CYYR1: variants seen among roughly 807,000 people sequenced by gnomAD.
CYYR1 encodes cysteine and tyrosine rich 1, also known as cysteine and tyrosine-rich protein 1.
CYYR1 carries 14 observed loss-of-function variants against 15.2 expected under a neutral mutation model. That is an observed-to-expected ratio of 0.92 (90% CI 0.61 to 1.44). The LOEUF is 1.44. Among genes scored for constraint, CYYR1 ranks in the 40% most tolerant of loss-of-function variants. The probability of loss-of-function intolerance (pLI) is 0.00; values close to 1 mark genes in which losing one functional copy is unlikely to be tolerated. For missense variants in CYYR1, 228 were observed against 209.5 expected (o/e 1.09, Z -0.54); for synonymous variants, 80 against 77.4 (o/e 1.03, Z -0.18).
At chr21:26,495,457 A>G (rs114777104) in intron 2 of CYYR1, among the ~76,000 whole-genome samples, 208 of 152,304 alleles carry the variant, frequency 1.4e-3, no homozygotes, top group African/African-American at 4.8e-3. Flanking sequence ...ACTTCCTGTC[A>G]CTTCAGTAAA....
At chr21:26,483,450 G>A (rs1011595549) in intron 2 of CYYR1, 2 of 972,596 alleles carry the variant, frequency 2.1e-6, no homozygotes, top group Admixed American at 1.3e-4. Flanking sequence ...CTACTTGGAA[G>A]TTTAGTTTGC....
intron 2 of CYYR1, among the ~76,000 whole-genome samples, chr21:26,516,000 A>G (rs1036568732): frequency 6.6e-6 from 1 of 152,200 alleles, no homozygotes; most frequent in African/African-American, 2.4e-5. Context: ...ATGAAATGTA[A>G]GAAGTTGGCG....
At chr21:26,534,617 C>T (rs1483760686) in intron 2 of CYYR1, among the ~76,000 whole-genome samples, 1 of 152,002 alleles carries the variant, frequency 6.6e-6, no homozygotes, top group Non-Finnish European at 1.5e-5. Context: ...CCACCTTGCA[C>T]TATAGACTGC....
At chr21:26,476,615 T>TCTAA (rs2123385038) in intron 3 of CYYR1, among the ~76,000 whole-genome samples, 1 of 151,930 alleles carries the variant, frequency 6.6e-6, no homozygotes, top group East Asian at 1.9e-4. Flanking sequence ...TATCTATCTA[T>TCTAA]CTATCTATCT....
intron 2 of CYYR1, among the ~76,000 whole-genome samples, chr21:26,490,866 C>G (rs978321503): frequency 3.3e-5 from 5 of 152,088 alleles, no homozygotes; most frequent in African/African-American, 1.2e-4. Context: ...GCCAGACACT[C>G]TACTAAGCAC....
chr21:26,540,394 C>T (rs1413471458), intron 2 of CYYR1, among the ~76,000 whole-genome samples: 1 of 152,054 alleles, frequency 6.6e-6, no homozygotes, highest in East Asian at 1.9e-4. Context: ...GAACAGAAAC[C>T]CTTGGGGTGT....
intron 2 of CYYR1, 89 bp from the exon 3 acceptor site, chr21:26,480,518 T>C (rs1346006201): frequency 7.4e-7 from 1 of 1,351,358 alleles, no homozygotes; most frequent in African/African-American, 1.5e-5. Context: ...AGGACAAGTG[T>C]TTTCTTACAA....
intron 2 of CYYR1, among the ~76,000 whole-genome samples, chr21:26,485,476 A>T (rs563833799): frequency 3.9e-5 from 6 of 152,124 alleles, no homozygotes; most frequent in African/African-American, 1.2e-4. Context: ...GTCATATCCA[A>T]CATGCCTTCT....
intron 3 of CYYR1, among the ~76,000 whole-genome samples, chr21:26,475,434 A>G (rs1176140021): frequency 6.6e-6 from 1 of 152,118 alleles, no homozygotes; most frequent in Non-Finnish European, 1.5e-5. Flanking sequence ...GATCCCATCA[A>G]AGGCTAGCCC....
intron 2 of CYYR1, chr21:26,482,386 A>G (rs1221996829): frequency 2.0e-6 from 2 of 985,222 alleles, no homozygotes; most frequent in African/African-American, 3.5e-5. Flanking sequence ...ATACTCAAAC[A>G]TAGTAAAATA....
chr21:26,554,950 T>C (rs1299102672), intron 2 of CYYR1, among the ~76,000 whole-genome samples: 1 of 151,872 alleles, frequency 6.6e-6, no homozygotes, highest in Admixed American at 6.6e-5. Flanking sequence ...ACAGGAAAAA[T>C]TTGTAAAGCC....
At position 26,573,006 on chromosome 21, in the gene CYYR1, G is replaced by C; in HGVS notation, c.-66C>G. ...GGAACCGGAGGGAATGGGGAGGATG[G>C]AGGGCGATCAGATGGAGAGAGCAGC... is the stretch of plus-strand genomic sequence containing the variant. On this transcript the variant is annotated 5_prime_UTR_variant, in exon 1 of 4. Transcript: ENST00000652641. 6.2e-7 allele frequency: 1 copy of C among 1,611,734 alleles called. No individual in the cohort carries two copies. Among genetic ancestry groups the C allele is most frequent in the Non-Finnish European group, 8.5e-7 (1 of 1,178,970 alleles).
chr21:26,493,875 T>C (rs548608022), intron 2 of CYYR1, among the ~76,000 whole-genome samples: 4 of 152,246 alleles, frequency 2.6e-5, no homozygotes, highest in Non-Finnish European at 4.4e-5. Context: ...TCTTTAATAC[T>C]GCATTACATA....
chr21:26,525,616 G>A (rs868129994), intron 2 of CYYR1, among the ~76,000 whole-genome samples: 3 of 152,188 alleles, frequency 2.0e-5, no homozygotes, highest in Non-Finnish European at 4.4e-5. Context: ...TATTCTTAAC[G>A]TGTGTTCAGG....
rs1489563866 is a variant in CYYR1, at chr21:26,467,007, A to ATCT, written c.*1493_*1494insAGA. Reference sequence around the variant, plus strand: ...TGCTACTTATAATAATGATATAGTAAGCTTCTTATCTGCAAGTACAGGTAC... The same window carrying ATCT: ...TGCTACTTATAATAATGATATAGTAATCTGCTTCTTATCTGCAAGTACAGGTAC... On this transcript the variant is annotated 3_prime_UTR_variant, in exon 4 of 4. Transcript: ENST00000652641. The ATCT allele has an allele frequency of 6.6e-6, 1 of 152,198 alleles. No homozygotes were observed. The highest frequency in any genetic ancestry group is 1.5e-5 in the Non-Finnish European group (1 of 68,034). The allele number at this position is 152,198 out of a possible 1,614,324, so 9.4% of individuals were successfully genotyped here.
At chr21:26,570,179 G>T (rs1980917275) in intron 1 of CYYR1, among the ~76,000 whole-genome samples, 1 of 152,122 alleles carries the variant, frequency 6.6e-6, no homozygotes, top group Non-Finnish European at 1.5e-5. Flanking sequence ...ATTCCAATTT[G>T]TCTTCAGAAG....
chr21:26,565,478 C>T (rs574949504), intron 2 of CYYR1, among the ~76,000 whole-genome samples: 4 of 152,324 alleles, frequency 2.6e-5, no homozygotes, highest in Admixed American at 1.3e-4. Context: ...GATTTTGACT[C>T]AAGAAATTCT....
chr21:26,523,334 C>T (rs2065825268), intron 2 of CYYR1, among the ~76,000 whole-genome samples: 1 of 152,132 alleles, frequency 6.6e-6, no homozygotes, highest in Non-Finnish European at 1.5e-5. Flanking sequence ...CTCTTGCTCC[C>T]CTGAGATAAT....
intron 2 of CYYR1, among the ~76,000 whole-genome samples, chr21:26,492,716 CA>C (rs11406434): frequency 2.1e-4 from 32 of 149,516 alleles, no homozygotes; most frequent in East Asian, 7.9e-4. Context: ...GATCATATTT[CA>C]AAAAAAAAAA....
Sources: gnomAD v4.1 joint callset for allele counts (sites outside exome capture counted in the v4.1 genomes callset) on GRCh38, gnomAD v4.1.1 for gene constraint, MANE v1.5 for transcripts, NCBI Gene and HGNC (gene_info 2026-07-23, HGNC 2026-07-21) for gene names.